Variants in SBF2 observed in about 807,000 individuals in gnomAD.
SBF2 encodes SET binding factor 2.
Under a neutral mutation model 225.2 loss-of-function variants are expected in SBF2, and 112 were observed. The ratio of observed to expected loss-of-function variants is 0.50; its 90% confidence interval spans 0.43 to 0.58. The LOEUF (loss-of-function observed/expected upper bound fraction) is 0.58. SBF2 is among the 20% of genes least tolerant of loss of function. The probability of loss-of-function intolerance (pLI) is 0.00; values close to 1 mark genes in which losing one functional copy is unlikely to be tolerated. For missense variants in SBF2, 1,996 were observed against 2,206.2 expected (o/e 0.90, Z 1.91); for synonymous variants, 763 against 773.3 (o/e 0.99, Z 0.22).
At chr11:10,256,073 G>A (rs1300716051) in intron 1 of SBF2, among the ~76,000 whole-genome samples, 3 of 152,160 alleles carry the variant, frequency 2.0e-5, no homozygotes, top group Non-Finnish European at 4.4e-5. Context: ...ACTCATTTGA[G>A]CTACTTCATA....
chr11:9,888,728 G>GTA (rs1409146860), intron 17 of SBF2, among the ~76,000 whole-genome samples: 1 of 151,980 alleles, frequency 6.6e-6, no homozygotes, highest in African/African-American at 2.4e-5. Context: ...GTTTCTAGAG[G>GTA]TATGCTTCAT....
chr11:10,045,865 T>C (rs1458457076), intron 2 of SBF2, among the ~76,000 whole-genome samples: 2 of 152,096 alleles, frequency 1.3e-5, no homozygotes, highest in Non-Finnish European at 2.9e-5. Context: ...GATTGACTGG[T>C]GGATTCTTTT....
At chr11:9,839,412 G>T in intron 26 of SBF2, 86 bp downstream of exon 26, 1 of 1,304,150 alleles carries the variant, frequency 7.7e-7, no homozygotes. Context: ...ATCTATCTCA[G>T]GGCTATGGAT....
In SBF2 at chr11:9,921,780, A is replaced by G. The variant is rs535744385; in HGVS notation, c.1861-25769T>C. Among the ~76,000 whole-genome samples, 14 of 152,358 alleles carry G rather than the reference A, an allele frequency of 9.2e-5. No homozygotes were observed. The South Asian group carries it at 1.2e-3, about 14-fold the overall frequency. On this transcript the variant is annotated intron_variant, in intron 16 of 39. Transcript: ENST00000256190. ...GCATACAAAGTAAAAACTTGCATAC[A>G]GTCTCTTACAATTGGAGTTATTCTG...
chr11:10,171,128 A>C (rs117437528), intron 2 of SBF2, among the ~76,000 whole-genome samples: 182 of 152,124 alleles, frequency 1.2e-3, no homozygotes, highest in Non-Finnish European at 1.9e-3. Flanking sequence ...GATGCCCTAG[A>C]CTTCCTTCTC....
intron 2 of SBF2, among the ~76,000 whole-genome samples, chr11:10,166,826 G>C (rs184118084): frequency 7.9e-5 from 12 of 152,192 alleles, no homozygotes; most frequent in Admixed American, 7.9e-4. Flanking sequence ...GCCAGGTATA[G>C]TGGCGCATGC....
At chr11:10,245,351 T>G (rs936624099) in intron 1 of SBF2, among the ~76,000 whole-genome samples, 1 of 151,540 alleles carries the variant, frequency 6.6e-6, no homozygotes, top group African/African-American at 2.4e-5. Flanking sequence ...TTCCAGACTA[T>G]AGTGCACAAT....
chr11:10,052,511 T>C (rs1310507228), intron 2 of SBF2, among the ~76,000 whole-genome samples: 1 of 152,194 alleles, frequency 6.6e-6, no homozygotes, highest in Non-Finnish European at 1.5e-5. Context: ...GTATAACCTA[T>C]AAGCAAATTA....
intron 1 of SBF2, among the ~76,000 whole-genome samples, chr11:10,268,061 T>C (rs1203438144): frequency 6.6e-6 from 1 of 152,160 alleles, no homozygotes; most frequent in African/African-American, 2.4e-5. Context: ...GTAGGACAAG[T>C]ATATGAAGCA....
chr11:9,827,310 T>C (rs771502315), intron 28 of SBF2, among the ~76,000 whole-genome samples: 2 of 152,150 alleles, frequency 1.3e-5, no homozygotes, highest in Non-Finnish European at 2.9e-5. Context: ...GGAGGACTGC[T>C]TCAGGCCAGG....
intron 2 of SBF2, among the ~76,000 whole-genome samples, chr11:10,189,116 A>C (rs1957061292): frequency 6.6e-6 from 1 of 152,160 alleles, no homozygotes; most frequent in Non-Finnish European, 1.5e-5. Context: ...AACTTTTTAA[A>C]ATCTGTCTTC....
chr11:10,147,046 A>G (rs1954920440), intron 2 of SBF2, among the ~76,000 whole-genome samples: 1 of 150,068 alleles, frequency 6.7e-6, no homozygotes, highest in Admixed American at 6.7e-5. Flanking sequence ...GCTATTATTA[A>G]AAAGTAAAAA....
At chr11:9,781,475 G>T (rs1852001784) in intron 39 of SBF2, 32 bp downstream of exon 39, 1 of 1,613,876 alleles carries the variant, frequency 6.2e-7, no homozygotes, top group East Asian at 2.2e-5. Context: ...TGTGCAGACA[G>T]AGCCAGGAAA....
chr11:10,186,124 T>C (rs565770461), intron 2 of SBF2, among the ~76,000 whole-genome samples: 1 of 152,314 alleles, frequency 6.6e-6, no homozygotes, highest in East Asian at 1.9e-4. Flanking sequence ...AAAAGATATT[T>C]ATATTTACCA....
intron 22 of SBF2, among the ~76,000 whole-genome samples, chr11:9,847,335 C>G (rs1856619395): frequency 6.6e-6 from 1 of 152,050 alleles, no homozygotes; most frequent in Non-Finnish European, 1.5e-5. Flanking sequence ...GAGGCAAGAA[C>G]TGGAATTCTT....
chr11:10,303,945 C>T lies in SBF2; in HGVS notation n.386+547G>A, dbSNP rs1964623384. Among the ~76,000 whole-genome samples, 1 of 152,148 alleles carries T rather than the reference C, an allele frequency of 6.6e-6. No individual in the cohort carries two copies. The highest frequency in any genetic ancestry group is 1.5e-5 in the Non-Finnish European group (1 of 68,022). On this transcript the variant is annotated intron_variant and non_coding_transcript_variant, in intron 1 of 5. Coordinates refer to the SBF2 transcript ENST00000685217. The surrounding 1 kb of genome is among the most constrained non-coding windows in gnomAD (Gnocchi z 5.2). The stretch of plus-strand genomic sequence containing the variant: ...TCTTTGGGCGGGGGCTAGGACTCTC[C>T]TTTGCCCCTTGAGAAGTTGGTGACC...
intron 17 of SBF2, among the ~76,000 whole-genome samples, chr11:9,873,152 G>T (rs1256543206): frequency 7.9e-6 from 1 of 127,040 alleles, no homozygotes; most frequent in Non-Finnish European, 1.6e-5. Flanking sequence ...GTTGCAGTGA[G>T]CCAAGACCGC....
In SBF2 at chr11:9,832,371, G is replaced by T. The variant is rs535680998; in HGVS notation, c.3505C>A (p.Pro1169Thr). 6.2e-7 allele frequency: 1 copy of T among 1,614,046 alleles called. No homozygotes were observed. The highest frequency in any genetic ancestry group is 1.3e-5 in the African/African-American group (1 of 75,002). ...VPQAVQDSSL[P>T]RVARCYRHNR... Reference sequence around the variant, plus strand: ...TGTCGATAGCAGCGAGCTACTCTTGGTAAACTACTGTCCTGTACAGCTTGA... The same window carrying T: ...TGTCGATAGCAGCGAGCTACTCTTGTTAAACTACTGTCCTGTACAGCTTGA... The change falls in exon 27 of 40, where the codon CCA (proline) becomes ACA (threonine). Residue 1169 changes from proline (P) to threonine (T), a missense_variant. Transcript: ENST00000256190.
At chr11:9,824,844 A>G (rs1474265168) in intron 28 of SBF2, among the ~76,000 whole-genome samples, 3 of 152,200 alleles carry the variant, frequency 2.0e-5, no homozygotes, top group Non-Finnish European at 4.4e-5. Context: ...AAACTTTCAT[A>G]TGGTAAATAA....
Sources: allele counts gnomAD v4.1 joint callset (sites outside exome capture counted in the v4.1 genomes callset), GRCh38; gene constraint gnomAD v4.1.1; non-coding constraint Gnocchi (gnomAD v3.1); transcripts MANE v1.5; gene names NCBI Gene and HGNC (gene_info 2026-07-23, HGNC 2026-07-21).